SAMD5: variants seen among roughly 807,000 people sequenced by gnomAD.
SAMD5 encodes the protein sterile alpha motif domain-containing protein 5.
A neutral mutation model predicts 11.3 loss-of-function variants in SAMD5; 13 were observed. The ratio of observed to expected loss-of-function variants is 1.15; its 90% CI spans 0.75 to 1.83. SAMD5 has a LOEUF of 1.83. Ranked by LOEUF, SAMD5 falls within the 40% of genes most tolerant of loss-of-function variation. SAMD5 has a pLI of 0.00. For missense variants in SAMD5, 255 were observed against 239.1 expected (o/e 1.07, Z -0.44); for synonymous variants, 129 against 111.3 (o/e 1.16, Z -1.00).
At chr6:147,943,685 A>T in the SAMD5 span, among the ~76,000 whole-genome samples, 7 of 151,938 alleles carry the variant, frequency 4.6e-5, no homozygotes, top group Middle Eastern at 3.4e-3. Flanking sequence ...CATATTCATA[A>T]GGATCTCTCC....
At chr6:147,618,590 G>C (rs1332705794) in intron 1 of SAMD5, among the ~76,000 whole-genome samples, 1 of 152,200 alleles carries the variant, frequency 6.6e-6, no homozygotes, top group Admixed American at 6.5e-5. Context: ...CAGGGTGACT[G>C]TCACCTCTGT....
the SAMD5 span, among the ~76,000 whole-genome samples, chr6:147,826,504 G>A: frequency 6.6e-6 from 1 of 152,130 alleles, no homozygotes; most frequent in Non-Finnish European, 1.5e-5. Flanking sequence ...TCTACTAATG[G>A]TTCTTCAGTC....
the SAMD5 span, among the ~76,000 whole-genome samples, chr6:147,795,648 T>A: frequency 1.3e-5 from 2 of 150,900 alleles, no homozygotes; most frequent in Non-Finnish European, 2.9e-5. Flanking sequence ...CACACTGTCT[T>A]CCACAATGGT....
intron 1 of SAMD5, among the ~76,000 whole-genome samples, chr6:147,531,985 A>G (rs1021991205): frequency 2.6e-5 from 4 of 152,194 alleles, no homozygotes; most frequent in Non-Finnish European, 4.4e-5. Flanking sequence ...TGGAGTAATC[A>G]TTTCTATAGA....
chr6:147,893,727 G>A, the SAMD5 span, among the ~76,000 whole-genome samples: 232 of 152,070 alleles, frequency 1.5e-3, 3 homozygotes, highest in Middle Eastern at 0.014. Flanking sequence ...TAGCATCCAA[G>A]GTAAAATTGC....
intron 1 of SAMD5, among the ~76,000 whole-genome samples, chr6:147,583,331 A>G (rs188703693): frequency 6.4e-4 from 98 of 152,356 alleles, no homozygotes; most frequent in Non-Finnish European, 1.2e-3. Flanking sequence ...CATGGAATTA[A>G]TGTGAGAATT....
chr6:147,612,267 C>T (rs2128449240), intron 1 of SAMD5, among the ~76,000 whole-genome samples: 1 of 152,218 alleles, frequency 6.6e-6, no homozygotes, highest in South Asian at 2.1e-4. Flanking sequence ...AGTTTGGTAC[C>T]ATTCTGAGAC....
At chr6:147,865,037 A>T in the SAMD5 span, among the ~76,000 whole-genome samples, 1 of 152,220 alleles carries the variant, frequency 6.6e-6, no homozygotes, top group South Asian at 2.1e-4. Context: ...AACCTCCATT[A>T]GGGAAGTAAA....
At chr6:147,767,010 A>T in the SAMD5 span, among the ~76,000 whole-genome samples, 98,887 of 152,002 alleles carry the variant, frequency 0.65, 32,320 homozygotes, top group Middle Eastern at 0.77. Flanking sequence ...GAGAAAGGAA[A>T]GGTAATAATA....
At chr6:147,512,820 A>G (rs1788109754) in intron 1 of SAMD5, among the ~76,000 whole-genome samples, 2 of 152,130 alleles carry the variant, frequency 1.3e-5, no homozygotes, top group South Asian at 4.1e-4. Flanking sequence ...CTTAGCATCT[A>G]GTAGGGAAGA....
At chr6:147,595,459 T>C (rs1395274546) in intron 1 of SAMD5, among the ~76,000 whole-genome samples, 1 of 151,444 alleles carries the variant, frequency 6.6e-6, no homozygotes, top group Non-Finnish European at 1.5e-5. Flanking sequence ...ATTAAGCCAC[T>C]AGAATAAATG....
chr6:147,657,539 C>G (rs770601861), intron 1 of SAMD5, among the ~76,000 whole-genome samples: 7 of 152,150 alleles, frequency 4.6e-5, no homozygotes, highest in Non-Finnish European at 1.0e-4. Context: ...AATGTTGAAA[C>G]TAGGTGAAGC....
intron 1 of SAMD5, among the ~76,000 whole-genome samples, chr6:147,531,217 CT>C (rs1788426181): frequency 6.7e-6 from 1 of 148,536 alleles, no homozygotes; most frequent in African/African-American, 2.5e-5. Context: ...TAAAAAATTA[CT>C]TGATTAATTT....
intron 1 of SAMD5, among the ~76,000 whole-genome samples, chr6:147,725,808 A>T (rs1335070043): frequency 6.6e-6 from 1 of 152,252 alleles, no homozygotes; most frequent in Non-Finnish European, 1.5e-5. Context: ...ACATCTGGTT[A>T]CTATTTTAGG....
rs1451206681 is a variant in SAMD5 at position 147,568,816 on chromosome 6, A to G, written c.*4360A>G. On this transcript the variant is annotated 3_prime_UTR_variant, in exon 2 of 2. Coordinates refer to ENST00000367474, the MANE Select transcript of SAMD5 (RefSeq NM_001030060.3). Reference sequence around the variant, plus strand: ...TGATTAAAAAATCATCTTCAGCTTTACATTATTAATCTCTGAGGACATAAA... The same window carrying G: ...TGATTAAAAAATCATCTTCAGCTTTGCATTATTAATCTCTGAGGACATAAA... 5.3e-6 allele frequency: 5 copies of G among 950,308 alleles called. No homozygotes were observed. The highest frequency in any genetic ancestry group is 1.3e-6 in the Non-Finnish European group (1 of 798,024). 58.9% of individuals were successfully genotyped at this position (950,308 alleles called of 1,614,324 possible).
chr6:147,636,621 A>T (rs1790234453), intron 1 of SAMD5, among the ~76,000 whole-genome samples: 1 of 152,196 alleles, frequency 6.6e-6, no homozygotes, highest in East Asian at 1.9e-4. Context: ...ACTACCTGGC[A>T]TGGTGGGTAG....
chr6:147,642,476 T>C (rs1264984418), intron 1 of SAMD5, among the ~76,000 whole-genome samples: 1 of 152,196 alleles, frequency 6.6e-6, no homozygotes, highest in Non-Finnish European at 1.5e-5. Flanking sequence ...GTGAGCAAGA[T>C]GAACAAGTCA....
At chr6:147,675,960 T>A (rs1349600151) in intron 1 of SAMD5, 1 of 152,216 alleles carries the variant, frequency 6.6e-6, no homozygotes, top group East Asian at 1.9e-4. Flanking sequence ...TAGCTTAAGT[T>A]TCAATATATC....
intron 1 of SAMD5, among the ~76,000 whole-genome samples, chr6:147,586,418 C>T (rs1366193798): frequency 5.3e-5 from 8 of 152,038 alleles, no homozygotes; most frequent in African/African-American, 1.2e-4. Flanking sequence ...GGTAAATATG[C>T]TTGTGCCCTC....
Sources: gnomAD v4.1 joint callset for allele counts (sites outside exome capture counted in the v4.1 genomes callset) on GRCh38, gnomAD v4.1.1 for gene constraint, MANE v1.5 for transcripts, NCBI Gene and HGNC (gene_info 2026-07-23, HGNC 2026-07-21) for gene names.